PAN2: variants seen among roughly 807,000 people sequenced by gnomAD.
PAN2 encodes the protein PAN2-PAN3 deadenylation complex catalytic subunit PAN2.
Under a neutral mutation model 133.3 loss-of-function variants are expected in PAN2, and 68 were observed. The ratio of observed to expected loss-of-function variants is 0.51; its 90% CI spans 0.42 to 0.62. The LOEUF (loss-of-function observed/expected upper bound fraction) is 0.62, where lower values mean the gene tolerates loss of function less well. Among genes scored for constraint, PAN2 ranks in the 20% least tolerant of loss-of-function variants. PAN2 has a pLI of 0.00. For synonymous variants in PAN2, 462 were observed against 544.6 expected (o/e 0.85, Z 2.11); for missense variants, 1,042 against 1,500.5 (o/e 0.69, Z 5.05).
chr12:56,320,827 G>T (rs2135956615), intron 20 of PAN2, among the ~76,000 whole-genome samples: 1 of 148,938 alleles, frequency 6.7e-6, no homozygotes, highest in Admixed American at 6.7e-5. Context: ...CACTTTGGAA[G>T]GCCAAGGAGG....
Position 56,322,444 on chromosome 12 carries a change from A to G in PAN2, c.2676T>C (p.Phe892=), listed in dbSNP as rs1874665177. 1 of 1,612,668 alleles carries G rather than the reference A, an allele frequency of 6.2e-7. No homozygotes were observed. Among genetic ancestry groups the G allele is most frequent in the Non-Finnish European group, 8.5e-7 (1 of 1,178,626 alleles). ...THQQWYLFND[F]LIEPIDKHEA... ...TAACCTTATCAATAGGTTCAATAAG[A>G]AAGTCATTGAACAGATACCACTGCT... Residue 892 remains phenylalanine (F), a synonymous_variant, in exon 19 of 26, where the codon TTT becomes TTC. Transcript: ENST00000440411.
intron 2 of PAN2, among the ~76,000 whole-genome samples, chr12:56,332,493 G>A (rs1207125166): frequency 1.3e-5 from 2 of 151,542 alleles, no homozygotes; most frequent in African/African-American, 4.9e-5. Context: ...TACTTGAGAT[G>A]CTAAAGTGGG....
Position 56,328,462 on chromosome 12 carries a change from A to C in PAN2, c.452+10T>G. On this transcript the variant is annotated intron_variant, in intron 3 of 25. Coordinates refer to ENST00000440411, the MANE Select transcript of PAN2 (RefSeq NM_014871.6). The stretch of plus-strand genomic sequence containing the variant: ...CCTCGTTCCTAGTCCAGAGCTGAGA[A>C]GCCACTTACAGGTAATCAAATATAA... 1 of 1,613,724 alleles carries C rather than the reference A, an allele frequency of 6.2e-7. No homozygotes were observed. The highest frequency in any genetic ancestry group is 8.5e-7 in the Non-Finnish European group (1 of 1,179,762).
chr12:56,327,341 C>T (rs773268366), intron 6 of PAN2, 23 bp downstream of exon 6: 1 of 1,612,690 alleles, frequency 6.2e-7, no homozygotes, highest in Non-Finnish European at 8.5e-7. Flanking sequence ...TCCCTCCTAC[C>T]CAATCCCATA....
At chr12:56,321,416 A>G (rs954759130) in intron 20 of PAN2, among the ~76,000 whole-genome samples, 2 of 149,900 alleles carry the variant, frequency 1.3e-5, no homozygotes, top group Non-Finnish European at 3.0e-5. Flanking sequence ...TTTTGTAGAG[A>G]CAGGGTTTCA....
At chr12:56,321,720 G>T (rs1179142897) in intron 20 of PAN2, among the ~76,000 whole-genome samples, 2 of 151,214 alleles carry the variant, frequency 1.3e-5, no homozygotes, top group African/African-American at 4.9e-5. Flanking sequence ...GTGTGGTGGT[G>T]GGCGTCTGTA....
chr12:56,321,935 C>G, intron 20 of PAN2, 143 bp downstream of exon 20: 3 of 537,718 alleles, frequency 5.6e-6, no homozygotes, highest in Non-Finnish European at 1.0e-5. Flanking sequence ...AATTTAAGGT[C>G]TGATGAGCAG....
At position 56,326,938 on chromosome 12, in the gene PAN2, G is replaced by C; in HGVS notation, c.941C>G (p.Pro314Arg). ...SQSGQCQFCEPTGLANPADIF... is the reference protein window; with the variant it reads ...SQSGQCQFCERTGLANPADIF... Reference sequence around the variant, plus strand: ...ATCGGCTGGGTTGGCCAGGCCTGTGGGTTCACAGAATTGGCACTGCCCTAC... The same window carrying C: ...ATCGGCTGGGTTGGCCAGGCCTGTGCGTTCACAGAATTGGCACTGCCCTAC... Residue 314 changes from proline to arginine, a missense_variant, in exon 7 of 26, where the codon CCC (proline) becomes CGC (arginine). Coordinates refer to ENST00000440411, the MANE Select transcript of PAN2 (RefSeq NM_014871.6). 3 of 1,613,670 alleles carry C rather than the reference G, an allele frequency of 1.9e-6. No individual in the cohort carries two copies. Among genetic ancestry groups the C allele is most frequent in the Non-Finnish European group, 2.5e-6 (3 of 1,179,720 alleles).
intron 2 of PAN2, among the ~76,000 whole-genome samples, chr12:56,330,052 T>G (rs1875581170): frequency 6.6e-6 from 1 of 151,584 alleles, no homozygotes; most frequent in Admixed American, 6.6e-5. Context: ...TCCCCAGATA[T>G]CTACATGGCT....
At position 56,333,207 on chromosome 12, in the gene PAN2, G is replaced by C; in HGVS notation, c.-113C>G. 1.8e-6 allele frequency: 2 copies of C among 1,113,822 alleles called. No individual in the cohort carries two copies. Among genetic ancestry groups the C allele is most frequent in the Non-Finnish European group, 2.6e-6 (2 of 769,022 alleles). The allele number at this position is 1,113,822 out of a possible 1,614,324, so 69.0% of individuals were successfully genotyped here. On this transcript the variant is annotated splice_region_variant and 5_prime_UTR_variant, in exon 2 of 26. Coordinates refer to ENST00000440411, the MANE Select transcript of PAN2 (RefSeq NM_014871.6). ...CGATGGGCCTAGAATGGACATCCTG[G>C]CCTGTAAGGGGAAAGAGGTAGCTGA...
In PAN2 at chr12:56,326,820, A is replaced by C. The variant is rs746344278; in HGVS notation, c.1059T>G (p.Cys353Trp). 4 of 1,614,214 alleles carry C rather than the reference A, an allele frequency of 2.5e-6. No homozygotes were observed. In the South Asian group the frequency reaches 4.4e-5, roughly 18 times the overall value. The change falls in exon 7 of 26, where the codon TGT (cysteine) becomes TGG (tryptophan). Residue 353 changes from cysteine (C) to tryptophan (W), a missense_variant. By Grantham distance (215) the Cys-to-Trp change is radical (BLOSUM62 -2). Coordinates refer to ENST00000440411, the MANE Select transcript of PAN2 (RefSeq NM_014871.6). ...CCGGGGAATCAGTCCAGAGGTGCAC[A>C]CAGCCCTCAGAATCCCCAAAGGCCA... is the stretch of plus-strand genomic sequence containing the variant. The part of the protein sequence containing the change: ...QALAFGDSEG[C>W]VHLWTDSPEP...
In PAN2 at chr12:56,333,960, A is replaced by C. The variant is rs940210130; in HGVS notation, c.-213T>G. ...CTCCGCGGGAAATTCCAGTTTCCCC[A>C]GTTCTCCCCCACGCCTAGGGCTCAA... On this transcript the variant is annotated 5_prime_UTR_variant, in exon 1 of 26. Transcript: ENST00000440411. 6.6e-6 allele frequency: 1 copy of C among 152,184 alleles called. No individual in the cohort carries two copies. Among genetic ancestry groups the C allele is most frequent in the African/African-American group, 2.4e-5 (1 of 41,448 alleles). The allele number at this position is 152,184 out of a possible 1,614,324, so 9.4% of individuals were successfully genotyped here.
At chr12:56,325,496 C>T in intron 8 of PAN2, 42 bp from the exon 9 acceptor site, 1 of 1,610,226 alleles carries the variant, frequency 6.2e-7, no homozygotes. Context: ...GATGTCTTGT[C>T]ATCTTTGGCT....
chr12:56,330,360 T>TC (rs1555167257), intron 2 of PAN2, among the ~76,000 whole-genome samples: 13 of 98,596 alleles, frequency 1.3e-4, no homozygotes, highest in South Asian at 7.5e-4. Context: ...TTTCTTTTTT[T>TC]TTTTTTTTTT....
rs1178497925 is a variant in PAN2 at position 56,333,063 on chromosome 12, G to C, written c.32C>G (p.Ala11Gly). The change falls in exon 2 of 26, where the codon GCA (alanine) becomes GGA (glycine). Residue 11 changes from alanine (A) to glycine (G), a missense_variant. By Grantham distance (60) the Ala-to-Gly change is moderately conservative. This residue lies in a region of PAN2 where 908 missense variants were observed against 1,223.5 expected (regional missense o/e 0.74). Transcript: ENST00000440411. MNFEGLDPGLAEYAPAMHSAL... is the reference protein window; with the variant it reads MNFEGLDPGLGEYAPAMHSAL... ...AGAATGCATGGCTGGGGCATATTCTGCCAGTCCAGGGTCCAGACCCTCAAA... is the reference window on the plus strand; with the variant it reads ...AGAATGCATGGCTGGGGCATATTCTCCCAGTCCAGGGTCCAGACCCTCAAA... The C allele has an allele frequency of 1.9e-6, 3 of 1,614,000 alleles. No individual in the cohort carries two copies. In the East Asian group the frequency reaches 6.7e-5, roughly 36 times the overall value.
At position 56,324,033 on chromosome 12, in the gene PAN2, A is replaced by G. The variant is rs1185382866; in HGVS notation, c.2065+16T>C. 2 of 1,614,176 alleles carry G rather than the reference A, an allele frequency of 1.2e-6. No individual in the cohort carries two copies. Among genetic ancestry groups the G allele is most frequent in the Middle Eastern group, 1.6e-4 (1 of 6,062 alleles). On this transcript the variant is annotated intron_variant, in intron 13 of 25. Transcript: ENST00000440411. ...AGCCTTCCCAACTGAGCTGAAGGGT[A>G]TACCACTTTTGCTACCATCAGGGTA... is the stretch of plus-strand genomic sequence containing the variant.
chr12:56,328,460 G>A lies in PAN2; in HGVS notation c.452+12C>T, dbSNP rs774970555. On this transcript the variant is annotated intron_variant, in intron 3 of 25. Transcript: ENST00000440411. Reference sequence around the variant, plus strand: ...ATCCTCGTTCCTAGTCCAGAGCTGAGAAGCCACTTACAGGTAATCAAATAT... The same window carrying A: ...ATCCTCGTTCCTAGTCCAGAGCTGAAAAGCCACTTACAGGTAATCAAATAT... 2 of 1,613,678 alleles carry A rather than the reference G, an allele frequency of 1.2e-6. No homozygotes were observed. Among genetic ancestry groups the A allele is most frequent in the Non-Finnish European group, 1.7e-6 (2 of 1,179,758 alleles).
intron 19 of PAN2, 78 bp from the exon 20 acceptor site, chr12:56,322,246 CTCAGGTGCTAGTTTTTGTTTTTTT>C (rs1306629113): frequency 2.7e-6 from 3 of 1,104,302 alleles, no homozygotes; most frequent in Non-Finnish European, 4.1e-6. Flanking sequence ...GAGGCCAGGA[CTCAGGTGCTAGTTTTTGTTTTTTT>C]TCAGGTGCTA....
intron 8 of PAN2, among the ~76,000 whole-genome samples, chr12:56,325,758 G>A (rs1182297504): frequency 6.6e-6 from 1 of 152,218 alleles, no homozygotes; most frequent in Admixed American, 6.5e-5. Context: ...GGTGTTCAAA[G>A]CTTCGCAATC....
Sources: allele counts gnomAD v4.1 joint callset (sites outside exome capture counted in the v4.1 genomes callset), GRCh38; gene constraint gnomAD v4.1.1; regional missense constraint gnomAD v4.1.1; transcripts MANE v1.5; gene names NCBI Gene and HGNC (gene_info 2026-07-23, HGNC 2026-07-21).